Variants in ADAP1 observed in about 807,000 individuals in gnomAD.
The protein encoded by ADAP1 is ArfGAP with dual PH domains 1.
A neutral mutation model predicts 54.9 loss-of-function variants in ADAP1; 31 were observed. That is an observed-to-expected ratio of 0.56 (90% CI 0.42 to 0.76). The LOEUF (loss-of-function observed/expected upper bound fraction) is 0.76. ADAP1 is among the 30% of genes least tolerant of loss of function. ADAP1 has a pLI of 0.00. For missense variants in ADAP1, 535 were observed against 512.4 expected (o/e 1.04, Z -0.42); for synonymous variants, 313 against 202.6 (o/e 1.55, Z -4.63).
rs1385325566 is a variant in ADAP1, at chr7:924,311, CACCCCTCCCCCACCCTCG to C, written c.305+2224_305+2241del. Among the ~76,000 whole-genome samples, 302 of 57,450 alleles carry C rather than the reference CACCCCTCCCCCACCCTCG, an allele frequency of 5.3e-3. 1 individual carries two copies. Among genetic ancestry groups the C allele is most frequent in the Middle Eastern group, 9.8e-3 (1 of 102 alleles). 37.7% of individuals were successfully genotyped at this position (57,450 alleles called of 152,430 possible). A position where few individuals can be genotyped will look rare whatever the true frequency, so the allele number is the denominator to read the frequency against. ...CAGGTTACACAGCGGGTCCACGCTG[CACCCCTCCCCCACCCTCG>C]AGGTCCACGCTGCACCCCCCACCCT... On this transcript the variant is annotated intron_variant, in intron 3 of 10. Coordinates refer to ENST00000265846, the MANE Select transcript of ADAP1 (RefSeq NM_006869.4).
In ADAP1 at chr7:926,098, A is replaced by G. The variant is rs1846377458; in HGVS notation, c.305+455T>C. On this transcript the variant is annotated intron_variant, in intron 3 of 10. Transcript: ENST00000265846. The surrounding 1 kb of genome is among the most constrained non-coding windows in gnomAD (Gnocchi z 4.6). ...CGAGCAGGCCTCATTCCCTCTCTCC[A>G]CAACCTCCCGATCCCAGGATGCTCA... Among the ~76,000 whole-genome samples the G allele has an allele frequency of 6.6e-6, 1 of 151,850 alleles. No homozygotes were observed. The highest frequency in any genetic ancestry group is 1.5e-5 in the Non-Finnish European group (1 of 67,934).
In ADAP1 at chr7:905,014, T is replaced by G. The variant is rs148372792; in HGVS notation, c.501+46A>C. The G allele has an allele frequency of 1.4e-3, 2,254 of 1,562,100 alleles. 21 individuals are homozygous for G. The African/African-American group carries it at 0.026, about 18-fold the overall frequency. ...CAGGCCCCAGTGTGGGAGGCCGGGATGCCGCCCTGGGACAGGCCCCCACCC... is the reference window on the plus strand; with the variant it reads ...CAGGCCCCAGTGTGGGAGGCCGGGAGGCCGCCCTGGGACAGGCCCCCACCC... On this transcript the variant is annotated intron_variant, in intron 5 of 10. Transcript: ENST00000265846.
At chr7:906,782 C>CATGGGG (rs1246564901) in intron 4 of ADAP1, among the ~76,000 whole-genome samples, 1 of 8,192 alleles carries the variant, frequency 1.2e-4, no homozygotes, top group African/African-American at 4.6e-4. Context: ...GGACAGGGGA[C>CATGGGG]ACGGGGGACG....
Position 900,182 on chromosome 7 carries a change from A to G in ADAP1, c.733-18T>C. The G allele has an allele frequency of 1.2e-6, 2 of 1,612,872 alleles. No individual in the cohort carries two copies. Among genetic ancestry groups the G allele is most frequent in the Non-Finnish European group, 8.5e-7 (1 of 1,179,838 alleles). On this transcript the variant is annotated intron_variant, in intron 7 of 10. Coordinates refer to ENST00000265846, the MANE Select transcript of ADAP1 (RefSeq NM_006869.4). ...GGCACCAGCTAGGGCAGGACACACCAGGCAGGGGACCTCAGAAGTGCAGCT... is the reference window on the plus strand; with the variant it reads ...GGCACCAGCTAGGGCAGGACACACCGGGCAGGGGACCTCAGAAGTGCAGCT...
intron 1 of ADAP1, among the ~76,000 whole-genome samples, chr7:937,854 G>A (rs538960793): frequency 1.6e-4 from 25 of 152,280 alleles, no homozygotes; most frequent in Admixed American, 1.0e-3. Context: ...GATTAATGAA[G>A]CCTGTCTCCC....
Position 905,270 on chromosome 7 carries a change from C to CATGGGGAGAAG in ADAP1, c.389-99_389-98insCTTCTCCCCAT, listed in dbSNP as rs1845059378. 4 of 507,894 alleles carry CATGGGGAGAAG rather than the reference C, an allele frequency of 7.9e-6. 1 individual carries two copies. The highest frequency in any genetic ancestry group is 5.6e-5 in the South Asian group (3 of 53,720). The allele number at this position is 507,894 out of a possible 1,614,324, so 31.5% of individuals were successfully genotyped here. A position where few individuals can be genotyped will look rare whatever the true frequency, so the allele number is the denominator to read the frequency against. Reference sequence around the variant, plus strand: ...GGACAGAGGGGACATGGGGAGAAGACACGGGGGACACGGACGGGGGACACG... The same window carrying CATGGGGAGAAG: ...GGACAGAGGGGACATGGGGAGAAGACATGGGGAGAAGACGGGGGACACGGACGGGGGACACG... On this transcript the variant is annotated intron_variant, in intron 4 of 10. Transcript: ENST00000265846.
chr7:941,003 G>A (rs919805798), intron 1 of ADAP1, among the ~76,000 whole-genome samples: 2 of 151,652 alleles, frequency 1.3e-5, no homozygotes, highest in South Asian at 2.1e-4. Context: ...AAAAAATGTT[G>A]GCAAAACGCA....
rs1289194282 is a variant in ADAP1 at position 920,249 on chromosome 7, GT to G, written c.306-200del. Among the ~76,000 whole-genome samples, 2 of 152,156 alleles carry G rather than the reference GT, an allele frequency of 1.3e-5. No homozygotes were observed. The highest frequency in any genetic ancestry group is 3.9e-4 in the East Asian group (2 of 5,136). Reference sequence around the variant, plus strand: ...CGGGACGCTTCTCACTCTGATATTAGTTTATTGGTTTCTTGTGCGTTCGGCC... The same window carrying G: ...CGGGACGCTTCTCACTCTGATATTAGTTATTGGTTTCTTGTGCGTTCGGCC... On this transcript the variant is annotated intron_variant, in intron 3 of 10. Transcript: ENST00000265846. This position sits in a 1 kb window ranked among gnomAD's most constrained non-coding sequence, Gnocchi z 4.5.
chr7:922,144 G>T lies in ADAP1; in HGVS notation c.306-2094C>A, dbSNP rs1257275817. Among the ~76,000 whole-genome samples, 11 of 152,302 alleles carry T rather than the reference G, an allele frequency of 7.2e-5. No individual in the cohort carries two copies. In the East Asian group the frequency reaches 2.1e-3, roughly 29 times the overall value. On this transcript the variant is annotated intron_variant, in intron 3 of 10. Transcript: ENST00000265846. ...TCCCGACTCCCACAGCCCTGGAGGG[G>T]CCGCACTGACACCCCACGTGGTCAC...
intron 2 of ADAP1, chr7:927,593 CAGCTGGAGAAATCACA>C (rs1418509846): frequency 2.3e-6 from 1 of 425,696 alleles, no homozygotes; most frequent in African/African-American, 2.1e-5. Context: ...CCCAGAAGAG[CAGCTGGAGAAATCACA>C]AGCAACAAGA....
At position 946,271 on chromosome 7, in the gene ADAP1, G is replaced by A. The variant is rs1421802978; in HGVS notation, c.82+8125C>T. Among the ~76,000 whole-genome samples, 5 of 152,076 alleles carry A rather than the reference G, an allele frequency of 3.3e-5. No homozygotes were observed. Among genetic ancestry groups the A allele is most frequent in the Admixed American group, 2.6e-4 (4 of 15,270 alleles). On this transcript the variant is annotated intron_variant, in intron 1 of 10. Coordinates refer to ENST00000265846, the MANE Select transcript of ADAP1 (RefSeq NM_006869.4). This position sits in a 1 kb window ranked among gnomAD's most constrained non-coding sequence, Gnocchi z 4.3. ...GGCTCCCGCCGGCCGGTGGATCCCC[G>A]CCAGCGAGGCAGTGACCTCTGGAGC...
intron 1 of ADAP1, among the ~76,000 whole-genome samples, chr7:951,199 C>T (rs1263627096): frequency 6.6e-6 from 1 of 151,970 alleles, no homozygotes; most frequent in Admixed American, 6.6e-5. Context: ...ATGGTGAAAC[C>T]CCATCTCTAC....
intron 2 of ADAP1, chr7:935,101 A>C: frequency 5.2e-6 from 3 of 574,234 alleles, no homozygotes; most frequent in Middle Eastern, 3.1e-4. Flanking sequence ...CTCCCAGGGC[A>C]CGGGAATCGG....
intron 4 of ADAP1, among the ~76,000 whole-genome samples, chr7:908,556 T>G (rs933986891): frequency 1.1e-4 from 16 of 152,298 alleles, no homozygotes; most frequent in African/African-American, 3.8e-4. Flanking sequence ...TGCTTCTCAC[T>G]GTGAGAGCGA....
At position 945,257 on chromosome 7, in the gene ADAP1, T is replaced by C. The variant is rs1239709691; in HGVS notation, c.82+9139A>G. On this transcript the variant is annotated intron_variant, in intron 1 of 10. Coordinates refer to ENST00000265846, the MANE Select transcript of ADAP1 (RefSeq NM_006869.4). This position sits in a 1 kb window ranked among gnomAD's most constrained non-coding sequence, Gnocchi z 4.2. ...TGCATCCGCAAATGCCCGCAGCCCA[T>C]CGGAGCGAAAAGGGGCGGGGCACGC... Among the ~76,000 whole-genome samples the C allele has an allele frequency of 6.6e-6, 1 of 152,136 alleles. No individual in the cohort carries two copies. The highest frequency in any genetic ancestry group is 1.5e-5 in the Non-Finnish European group (1 of 68,012).
intron 4 of ADAP1, 55 bp from the exon 5 acceptor site, chr7:905,227 AAGG>A: frequency 1.5e-6 from 2 of 1,358,880 alleles, no homozygotes; most frequent in Non-Finnish European, 2.0e-6. Flanking sequence ...GAGGAAACAA[AAGG>A]AGTGACGATG....
At position 898,595 on chromosome 7, in the gene ADAP1, C is replaced by T. The variant is rs556560726; in HGVS notation, c.*326G>A. On this transcript the variant is annotated 3_prime_UTR_variant, in exon 11 of 11. Transcript: ENST00000265846. Reference sequence around the variant, plus strand: ...TGGAAGTTCCCACAGCCGTGGTGGGCGGCTCCTGGGGGCTGTGTCTGAGCT... The same window carrying T: ...TGGAAGTTCCCACAGCCGTGGTGGGTGGCTCCTGGGGGCTGTGTCTGAGCT... 4.4e-5 allele frequency: 19 copies of T among 433,892 alleles called. No homozygotes were observed. The highest frequency in any genetic ancestry group is 1.4e-4 in the East Asian group (3 of 21,148). 26.9% of individuals were successfully genotyped at this position (433,892 alleles called of 1,614,324 possible). A position where few individuals can be genotyped will look rare whatever the true frequency, so the allele number is the denominator to read the frequency against.
Position 938,569 on chromosome 7 carries a change from C to T in ADAP1, c.83-3064G>A, listed in dbSNP as rs548025841. Among the ~76,000 whole-genome samples, 4 of 152,192 alleles carry T rather than the reference C, an allele frequency of 2.6e-5. No homozygotes were observed. The highest frequency in any genetic ancestry group is 9.6e-5 in the African/African-American group (4 of 41,460). ...CAGAAGAGAGAGACCTGACTCCCCC[C>T]GGGCTCCGTCTTCTCCCGAAGCCTT... On this transcript the variant is annotated intron_variant, in intron 1 of 10. Coordinates refer to ENST00000265846, the MANE Select transcript of ADAP1 (RefSeq NM_006869.4). This position sits in a 1 kb window ranked among gnomAD's most constrained non-coding sequence, Gnocchi z 4.4.
chr7:931,913 C>G (rs1846593555), intron 2 of ADAP1, among the ~76,000 whole-genome samples: 1 of 152,180 alleles, frequency 6.6e-6, no homozygotes, highest in Admixed American at 6.5e-5. Flanking sequence ...GCAGGCTTAG[C>G]CCCCGGATGT....
Sources: gnomAD v4.1 joint callset for allele counts (sites outside exome capture counted in the v4.1 genomes callset) on GRCh38, gnomAD v4.1.1 for gene constraint, Gnocchi (gnomAD v3.1) non-coding constraint, MANE v1.5 for transcripts, NCBI Gene and HGNC (gene_info 2026-07-23, HGNC 2026-07-21) for gene names.